BSPH1: variants seen among roughly 807,000 people sequenced by gnomAD.
BSPH1 encodes binder of sperm protein homolog 1.
Under a neutral mutation model 22.5 loss-of-function variants are expected in BSPH1, and 21 were observed. That is an observed-to-expected ratio of 0.93 (90% CI 0.66 to 1.35). BSPH1 has a LOEUF of 1.35. BSPH1 is among the 40% of genes most tolerant of loss of function. BSPH1 has a pLI of 0.00. For missense variants in BSPH1, 141 were observed against 154.2 expected (o/e 0.91, Z 0.45); for synonymous variants, 42 against 53.6 (o/e 0.78, Z 0.95).
At chr19:47,989,736 C>T (rs1015557253) in intron 1 of BSPH1, among the ~76,000 whole-genome samples, 2 of 152,248 alleles carry the variant, frequency 1.3e-5, no homozygotes, top group Non-Finnish European at 2.9e-5. Flanking sequence ...AGCCGGATTG[C>T]TGTGGGGACC....
intron 1 of BSPH1, among the ~76,000 whole-genome samples, chr19:47,989,101 A>T (rs62131793): frequency 0.18 from 25,911 of 146,530 alleles, 2,528 homozygotes; most frequent in Non-Finnish European, 0.22. Flanking sequence ...AAACCTATCA[A>T]GTCACCGTTT....
Position 47,992,033 on chromosome 19 carries a change from C to T in BSPH1, c.49G>A (p.Ala17Thr), listed in dbSNP as rs1966876144. 1 of 1,550,564 alleles carries T rather than the reference C, an allele frequency of 6.4e-7. No individual in the cohort carries two copies. Among genetic ancestry groups the T allele is most frequent in the South Asian group, 1.2e-5 (1 of 84,028 alleles). Residue 17 changes from alanine (A) to threonine (T), a missense_variant, in exon 1 of 6, where the codon GCT (alanine) becomes ACT (threonine). Transcript: ENST00000344839. ...LFVETTRNSS[A>T]CIFPVILNEL... ...CTTAAAATAACAGGGAAGATGCAAG[C>T]TGAGGAATTTCGCGTCGTTTCCACG...
chr19:47,980,888 G>T (rs1421260303), intron 2 of BSPH1, 33 bp downstream of exon 2: 2 of 1,347,468 alleles, frequency 1.5e-6, no homozygotes, highest in Admixed American at 5.1e-5. Flanking sequence ...AATTTGAAAA[G>T]AAACGCTAAT....
At position 47,976,589 on chromosome 19, in the gene BSPH1, A is replaced by C. The variant is rs1377965661; in HGVS notation, c.*2+121T>G. ...CCTTCAACTCACATCCCAGAAAAAA[A>C]AAAAAAACAAAAAAAAACCCTCTCT... On this transcript the variant is annotated intron_variant, in intron 5 of 5. Coordinates refer to ENST00000344839, the MANE Select transcript of BSPH1 (RefSeq NM_001128326.2). 10 of 670,042 alleles carry C rather than the reference A, an allele frequency of 1.5e-5. No homozygotes were observed. In the South Asian group the frequency reaches 1.9e-4, roughly 12 times the overall value. The allele number at this position is 670,042 out of a possible 1,614,324, so 41.5% of individuals were successfully genotyped here. A position where few individuals can be genotyped will look rare whatever the true frequency, so the allele number is the denominator to read the frequency against.
At chr19:47,981,663 C>T in intron 1 of BSPH1, 1 of 663,812 alleles carries the variant, frequency 1.5e-6, no homozygotes, top group Non-Finnish European at 1.9e-6. Flanking sequence ...AACCATCTGC[C>T]CTCAGTTTAC....
rs566040127 is a variant in BSPH1 at position 47,976,594 on chromosome 19, A to C, written c.*2+116T>G. On this transcript the variant is annotated intron_variant, in intron 5 of 5. Coordinates refer to ENST00000344839, the MANE Select transcript of BSPH1 (RefSeq NM_001128326.2). ...AACTCACATCCCAGAAAAAAAAAAA[A>C]AACAAAAAAAAACCCTCTCTAATGA... 4.8e-5 allele frequency: 27 copies of C among 565,430 alleles called. No individual in the cohort carries two copies. In the South Asian group the frequency reaches 4.9e-4, roughly 10 times the overall value. 35.0% of individuals were successfully genotyped at this position (565,430 alleles called of 1,614,324 possible).
Position 47,976,691 on chromosome 19 carries a change from C to A in BSPH1, c.*2+19G>T, listed in dbSNP as rs1196932188. On this transcript the variant is annotated intron_variant, in intron 5 of 5. Transcript: ENST00000344839. The stretch of plus-strand genomic sequence containing the variant: ...AGAATGATTAAACGTCTTCATCCCC[C>A]TCCCCTGGTAAATCTCACCATCATT... 1 of 1,550,222 alleles carries A rather than the reference C, an allele frequency of 6.5e-7. No homozygotes were observed. The highest frequency in any genetic ancestry group is 8.7e-7 in the Non-Finnish European group (1 of 1,145,838).
chr19:47,968,680 T>G (rs1335275663), intron 5 of BSPH1, among the ~76,000 whole-genome samples: 2 of 29,568 alleles, frequency 6.8e-5, no homozygotes, highest in Non-Finnish European at 1.5e-4. Context: ...AGACCCTGTC[T>G]TAAAAAAAAA....
In BSPH1 at chr19:47,984,286, C is replaced by T. The variant is rs1969448664; in HGVS notation, c.74-3345G>A. ...AGGGCCCCTAAAAATTAATATAGTC[C>T]TAGAATTAGTCTTAGAATACTTATA... is the stretch of plus-strand genomic sequence containing the variant. On this transcript the variant is annotated intron_variant, in intron 1 of 5. Coordinates refer to ENST00000344839, the MANE Select transcript of BSPH1 (RefSeq NM_001128326.2). 2.0e-5 allele frequency among the ~76,000 whole-genome samples: 3 copies of T among 148,910 alleles called. No homozygotes were observed. The South Asian group carries it at 6.3e-4, about 31-fold the overall frequency.
intron 1 of BSPH1, among the ~76,000 whole-genome samples, chr19:47,988,357 A>G (rs1382155792): frequency 6.6e-6 from 1 of 152,172 alleles, no homozygotes; most frequent in Non-Finnish European, 1.5e-5. Context: ...CCTGGGAGTC[A>G]GCAAGAATCA....
At chr19:47,977,608 G>A (rs1484937019) in intron 3 of BSPH1, 104 bp from the exon 4 acceptor site, 1 of 1,479,712 alleles carries the variant, frequency 6.8e-7, no homozygotes, top group East Asian at 2.5e-5. Flanking sequence ...CAGAGTCATT[G>A]GCTGTGGCTG....
chr19:47,987,880 G>A (rs917342084), intron 1 of BSPH1, among the ~76,000 whole-genome samples: 5 of 151,978 alleles, frequency 3.3e-5, no homozygotes, highest in African/African-American at 4.8e-5. Context: ...TGTGGTTCCC[G>A]TACTGGGAGG....
rs941448549 is a variant in BSPH1 at position 47,976,690 on chromosome 19, C to T, written c.*2+20G>A. 8 of 1,549,780 alleles carry T rather than the reference C, an allele frequency of 5.2e-6. No homozygotes were observed. The highest frequency in any genetic ancestry group is 4.1e-5 in the African/African-American group (3 of 72,986). On this transcript the variant is annotated intron_variant, in intron 5 of 5. Transcript: ENST00000344839. ...GAGAATGATTAAACGTCTTCATCCCCCTCCCCTGGTAAATCTCACCATCAT... is the reference window on the plus strand; with the variant it reads ...GAGAATGATTAAACGTCTTCATCCCTCTCCCCTGGTAAATCTCACCATCAT...
intron 3 of BSPH1, among the ~76,000 whole-genome samples, chr19:47,978,001 G>GATATATATATATATATATAT (rs10609973): frequency 7.7e-4 from 85 of 110,422 alleles, no homozygotes; most frequent in Non-Finnish European, 8.8e-4. Flanking sequence ...GTTAATACAG[G>GATATATATATATATATATAT]ATATATATAT....
At chr19:47,979,401 G>A (rs1462276724) in intron 3 of BSPH1, among the ~76,000 whole-genome samples, 169 bp downstream of exon 3, 1 of 152,128 alleles carries the variant, frequency 6.6e-6, no homozygotes, top group Non-Finnish European at 1.5e-5. Flanking sequence ...AAAGTTCAGA[G>A]TGACTTCTAT....
At position 47,968,104 on chromosome 19, in the gene BSPH1, A is replaced by G. The variant is rs897744922; in HGVS notation, c.*108T>C. On this transcript the variant is annotated 3_prime_UTR_variant, in exon 6 of 6. Transcript: ENST00000344839. The stretch of plus-strand genomic sequence containing the variant: ...ATTGGGGGTTACTGTATATCAGACC[A>G]TTCTGACCTGCTGAAGAATCCATGG... The G allele has an allele frequency of 6.6e-6, 1 of 152,222 alleles. No individual in the cohort carries two copies. The highest frequency in any genetic ancestry group is 1.5e-5 in the Non-Finnish European group (1 of 68,052). 9.4% of individuals were successfully genotyped at this position (152,222 alleles called of 1,614,324 possible). A position where few individuals can be genotyped will look rare whatever the true frequency, so the allele number is the denominator to read the frequency against.
chr19:47,976,023 G>A (rs1568396231), intron 5 of BSPH1, among the ~76,000 whole-genome samples: 1 of 152,088 alleles, frequency 6.6e-6, no homozygotes, highest in Non-Finnish European at 1.5e-5. Flanking sequence ...TTGAGTAGTA[G>A]GTATAAAAAT....
At chr19:47,988,675 C>A (rs1969494176) in intron 1 of BSPH1, among the ~76,000 whole-genome samples, 1 of 152,074 alleles carries the variant, frequency 6.6e-6, no homozygotes, top group Non-Finnish European at 1.5e-5. Flanking sequence ...GGTTGGTGGG[C>A]AGTCCTACCG....
intron 5 of BSPH1, among the ~76,000 whole-genome samples, chr19:47,975,649 A>ATTTTT (rs199878812): frequency 1.6e-4 from 20 of 124,936 alleles, no homozygotes; most frequent in Non-Finnish European, 1.9e-4. Context: ...AAGGTAATGC[A>ATTTTT]TTTTTTTTTT....
Sources: allele counts gnomAD v4.1 joint callset (sites outside exome capture counted in the v4.1 genomes callset), GRCh38; gene constraint gnomAD v4.1.1; transcripts MANE v1.5; gene names NCBI Gene and HGNC (gene_info 2026-07-23, HGNC 2026-07-21).